The following TP63 variants were observed in gnomAD, a reference collection of about 807,000 sequenced individuals.
The protein encoded by TP63 is tumor protein 63.
In TP63, 17 loss-of-function variants were observed where a neutral mutation model predicts 82.8. The observed-to-expected ratio is 0.21, with a 90% CI of 0.14 to 0.31. The LOEUF is 0.31. Among genes scored for constraint, TP63 ranks in the 10% least tolerant of loss-of-function variants. The probability of loss-of-function intolerance (pLI) is 1.00; values close to 1 mark genes in which losing one functional copy is unlikely to be tolerated. For missense variants in TP63, 648 were observed against 895.3 expected, an observed-to-expected ratio of 0.72 and a Z score of 3.52; for synonymous variants, 330 against 321.7, an observed-to-expected ratio of 1.03 and a Z score of -0.28.
chr3:189,844,220 G>A, intron 4 of TP63: 1 of 394,930 alleles, frequency 2.5e-6, no homozygotes, highest in Non-Finnish European at 5.0e-6. Context: ...CTCCCAGGCT[G>A]GAGTGCAATG....
chr3:189,851,215 T>C (rs1034271779), intron 4 of TP63, among the ~76,000 whole-genome samples: 3 of 152,194 alleles, frequency 2.0e-5, no homozygotes, highest in African/African-American at 4.8e-5. Context: ...TAGATGTTAT[T>C]GTATTTCAAA....
intron 3 of TP63, among the ~76,000 whole-genome samples, chr3:189,766,239 A>T (rs6780467): frequency 0.97 from 147,448 of 152,304 alleles, 71,420 homozygotes; most frequent in African/African-American, 0.98. Flanking sequence ...ACAAATGTAA[A>T]CTGTATGAAA....
chr3:189,883,473 C>A (rs752175694), intron 10 of TP63, among the ~76,000 whole-genome samples: 32 of 152,206 alleles, frequency 2.1e-4, no homozygotes, highest in Admixed American at 3.9e-4. Context: ...CCTCTGGCCA[C>A]TTCCTCCTAT....
chr3:189,810,400 G>C (rs1180386911), intron 4 of TP63, among the ~76,000 whole-genome samples: 1 of 152,140 alleles, frequency 6.6e-6, no homozygotes, highest in African/African-American at 2.4e-5. Flanking sequence ...ATTATATTAG[G>C]AGTCAGCATG....
At chr3:189,707,492 G>T (rs1718291816) in intron 1 of TP63, among the ~76,000 whole-genome samples, 1 of 151,930 alleles carries the variant, frequency 6.6e-6, no homozygotes, top group Non-Finnish European at 1.5e-5. Flanking sequence ...GTACATTTTT[G>T]TTGTTTTACA....
intron 3 of TP63, among the ~76,000 whole-genome samples, chr3:189,775,239 A>AAAAG (rs1397254906): frequency 1.4e-5 from 2 of 138,740 alleles, no homozygotes; most frequent in African/African-American, 5.1e-5. Context: ...AAAAAAAAAA[A>AAAAG]AAAGAAAGAA....
At chr3:189,881,570 T>A in intron 10 of TP63, 1 of 953,844 alleles carries the variant, frequency 1.0e-6, no homozygotes, top group Non-Finnish European at 1.2e-6. Flanking sequence ...TGTAAGTGCT[T>A]GAAGTAGCAT....
chr3:189,616,744 G>A, the TP63 span, among the ~76,000 whole-genome samples: 1 of 152,138 alleles, frequency 6.6e-6, no homozygotes, highest in Non-Finnish European at 1.5e-5. Flanking sequence ...CAGACATATG[G>A]TCATGTAGAG....
At chr3:189,892,952 T>A (rs1721168243) in intron 13 of TP63, among the ~76,000 whole-genome samples, 1 of 152,086 alleles carries the variant, frequency 6.6e-6, no homozygotes, top group Non-Finnish European at 1.5e-5. Flanking sequence ...TTGAGAAATG[T>A]TGGGAAGCTG....
rs1418277886 is a variant in TP63 at position 189,879,621 on chromosome 3, TTTC to T, written c.1349+6636_1349+6638del. Among the ~76,000 whole-genome samples, 8 of 152,122 alleles carry T rather than the reference TTTC, an allele frequency of 5.3e-5. No individual in the cohort carries two copies. In the East Asian group the frequency reaches 9.6e-4, roughly 18 times the overall value. On this transcript the variant is annotated intron_variant, in intron 10 of 13. Transcript: ENST00000264731. ...GATGACATTTTACAAAAGATTCAAG[TTTC>T]TTCTTCTTCATTCCTTTTTTTTAAT...
intron 3 of TP63, among the ~76,000 whole-genome samples, chr3:189,762,827 G>A (rs1445076917): frequency 1.3e-5 from 2 of 152,156 alleles, no homozygotes; most frequent in East Asian, 1.9e-4. Context: ...GAGTGGGTGA[G>A]GAGACAGATA....
At chr3:189,724,556 A>G (rs1361849470) in intron 1 of TP63, among the ~76,000 whole-genome samples, 1 of 152,132 alleles carries the variant, frequency 6.6e-6, no homozygotes, top group Non-Finnish European at 1.5e-5. Flanking sequence ...GCTCCCACTT[A>G]TGAGTGAGAA....
chr3:189,726,079 G>A (rs910960710), intron 1 of TP63, among the ~76,000 whole-genome samples: 1 of 152,042 alleles, frequency 6.6e-6, no homozygotes, highest in African/African-American at 2.4e-5. Context: ...GGAATATTTT[G>A]TCATCATTGC....
chr3:189,890,898 A>C lies in TP63; in HGVS notation c.1746+16A>C. ...CTCCATGGATGTAAGTAACTGTTAG[A>C]CTTTTCTCAAATTTTATTTCTTCAT... On this transcript the variant is annotated intron_variant, in intron 13 of 13. Transcript: ENST00000264731. 6.2e-7 allele frequency: 1 copy of C among 1,608,884 alleles called. No individual in the cohort carries two copies. The highest frequency in any genetic ancestry group is 8.5e-7 in the Non-Finnish European group (1 of 1,175,722).
chr3:189,599,201 T>G, the TP63 span, among the ~76,000 whole-genome samples: 15 of 152,224 alleles, frequency 9.9e-5, no homozygotes, highest in African/African-American at 3.6e-4. Flanking sequence ...ATTGTTCTGT[T>G]TCTGTTTTCC....
intron 4 of TP63, among the ~76,000 whole-genome samples, chr3:189,841,972 C>T (rs889898880): frequency 6.6e-5 from 10 of 152,224 alleles, no homozygotes; most frequent in African/African-American, 2.4e-4. Context: ...AGAAGCGTGA[C>T]TTCTTGATAC....
the TP63 span, among the ~76,000 whole-genome samples, chr3:189,611,338 G>A: frequency 6.6e-6 from 1 of 152,262 alleles, no homozygotes; most frequent in East Asian, 1.9e-4. Context: ...TAAGGAAGGA[G>A]TTCAGTTGCA....
chr3:189,616,802 A>C, the TP63 span, among the ~76,000 whole-genome samples: 1 of 152,300 alleles, frequency 6.6e-6, no homozygotes, highest in Non-Finnish European at 1.5e-5. Context: ...TAACCAAAAA[A>C]TGTATTATTT....
intron 3 of TP63, among the ~76,000 whole-genome samples, chr3:189,767,868 T>A (rs1723064719): frequency 6.6e-6 from 1 of 152,184 alleles, no homozygotes; most frequent in Non-Finnish European, 1.5e-5. Flanking sequence ...ATGAATTCTC[T>A]ACCATTTAGT....
Sources: allele counts gnomAD v4.1 joint callset (sites outside exome capture counted in the v4.1 genomes callset), GRCh38; gene constraint gnomAD v4.1.1; transcripts MANE v1.5; gene names NCBI Gene and HGNC (gene_info 2026-07-23, HGNC 2026-07-21).